Variants in C10orf71 observed in about 807,000 individuals in gnomAD.
The protein encoded by C10orf71 is chromosome 10 open reading frame 71, also known as cardiac-enriched FHL2-interacting protein.
For synonymous variants in C10orf71, 758 were observed against 726.3 expected (o/e 1.04, Z -0.70); for missense variants, 1,869 against 1,804.5 (o/e 1.04, Z -0.65).
chr10:49,309,731 C>T (rs1848878476), intron 1 of C10orf71, among the ~76,000 whole-genome samples: 1 of 152,144 alleles, frequency 6.6e-6, no homozygotes, highest in African/African-American at 2.4e-5. Flanking sequence ...CATCTGTGAG[C>T]AGGGCTCCAG....
chr10:49,326,263 C>A lies in C10orf71; in HGVS notation c.3718C>A (p.Pro1240Thr), dbSNP rs754570250. The A allele has an allele frequency of 1.1e-4, 177 of 1,550,134 alleles. 2 individuals carry two copies. In the South Asian group the frequency reaches 1.8e-3, roughly 16 times the overall value. ...TTTCCCCGTGGTCCGTTCCCTGCCC[C>A]CTCCCGTGCACCGCCACTCCGTGTC... ...HNFPVVRSLP[P>T]PVHRHSVSGF... The change falls in exon 3 of 3, where the codon CCT becomes ACT. Residue 1240 changes from proline (P) to threonine (T), a missense_variant. By Grantham distance (38) the Pro-to-Thr change is conservative (BLOSUM62 -1). Coordinates refer to ENST00000374144, the MANE Select transcript of C10orf71 (RefSeq NM_001135196.2).
chr10:49,327,306 T>G lies in C10orf71; in HGVS notation c.*453T>G. The G allele has an allele frequency of 3.9e-6, 1 of 256,086 alleles. No homozygotes were observed. The highest frequency in any genetic ancestry group is 5.0e-5 in the Admixed American group (1 of 20,124). The allele number at this position is 256,086 out of a possible 1,614,324, so 15.9% of individuals were successfully genotyped here. Reference sequence around the variant, plus strand: ...AACCCCTAAGGCCCCCAGCTCAGACTCAGCAGGCATTCAGGTCAACTCAGG... The same window carrying G: ...AACCCCTAAGGCCCCCAGCTCAGACGCAGCAGGCATTCAGGTCAACTCAGG... On this transcript the variant is annotated 3_prime_UTR_variant, in exon 3 of 3. Transcript: ENST00000374144.
upstream of C10orf71, among the ~76,000 whole-genome samples, chr10:49,298,289 C>T (rs370965788): frequency 3.9e-4 from 59 of 152,330 alleles, no homozygotes; most frequent in South Asian, 4.4e-3. Context: ...CAGTCATCTC[C>T]GCTTTCTCAG....
chr10:49,309,258 TG>T (rs1229758800), intron 1 of C10orf71, among the ~76,000 whole-genome samples: 1 of 152,148 alleles, frequency 6.6e-6, no homozygotes, highest in East Asian at 1.9e-4. Flanking sequence ...TATTAGGAGA[TG>T]GGGCCTATGG....
chr10:49,326,397 G>C lies in C10orf71; in HGVS notation c.3852G>C (p.Glu1284Asp). Reference protein sequence around the residue: ...QKVLQDPQSGEYFVFDLPLQV... With the variant: ...QKVLQDPQSGDYFVFDLPLQV... Reference sequence around the variant, plus strand: ...TCCTCCAGGATCCGCAGTCCGGGGAGTACTTTGTCTTCGACTTGCCACTCC... The same window carrying C: ...TCCTCCAGGATCCGCAGTCCGGGGACTACTTTGTCTTCGACTTGCCACTCC... The change falls in exon 3 of 3, where the codon GAG becomes GAC. Residue 1284 changes from glutamate (E) to aspartate (D), a missense_variant. Transcript: ENST00000374144. 1.3e-6 allele frequency: 2 copies of C among 1,550,584 alleles called. No individual in the cohort carries two copies. The highest frequency in any genetic ancestry group is 1.7e-6 in the Non-Finnish European group (2 of 1,146,914).
Position 49,323,992 on chromosome 10 carries a change from C to A in C10orf71, c.1447C>A (p.Pro483Thr), listed in dbSNP as rs201064215. 6.2e-7 allele frequency: 1 copy of A among 1,613,564 alleles called. No individual in the cohort carries two copies. Among genetic ancestry groups the A allele is most frequent in the African/African-American group, 1.3e-5 (1 of 75,026 alleles). ...GQLNGYQEKE[P>T]SECQSRDSYK... ...GCTAAACGGATACCAAGAGAAGGAG[C>A]CCAGTGAATGTCAGTCTCGAGACAG... is the stretch of plus-strand genomic sequence containing the variant. The change falls in exon 3 of 3, where the codon CCC becomes ACC. Residue 483 changes from proline (P) to threonine (T), a missense_variant. Transcript: ENST00000374144.
In C10orf71 at chr10:49,322,542, A is replaced by C; in HGVS notation, c.-4A>C. The C allele has an allele frequency of 6.3e-7, 1 of 1,596,452 alleles. No homozygotes were observed. Among genetic ancestry groups the C allele is most frequent in the East Asian group, 2.2e-5 (1 of 44,456 alleles). On this transcript the variant is annotated 5_prime_UTR_variant, in exon 3 of 3. Transcript: ENST00000374144. ...GACAAGGACAGCTTTCTTGGAGCCA[A>C]CAGATGATGCAAGGAAATAAGAAGT... is the stretch of plus-strand genomic sequence containing the variant.
At chr10:49,317,855 T>C (rs1381817200) in intron 2 of C10orf71, among the ~76,000 whole-genome samples, 1 of 152,022 alleles carries the variant, frequency 6.6e-6, no homozygotes, top group East Asian at 1.9e-4. Flanking sequence ...TTTTTTTTAA[T>C]AATTGGAAAA....
chr10:49,317,252 A>T (rs940714453), intron 2 of C10orf71, among the ~76,000 whole-genome samples: 2 of 152,152 alleles, frequency 1.3e-5, no homozygotes, highest in African/African-American at 4.8e-5. Context: ...CCTCAATAAC[A>T]TAAATTCAAG....
In C10orf71 at chr10:49,324,344, C is replaced by T. The variant is rs994013054; in HGVS notation, c.1799C>T (p.Ala600Val). ...TLSTAPTIAK[A>V]PFYVNGEAAE... ...AGCACAGCTCCGACTATCGCCAAAGCCCCCTTCTATGTCAATGGGGAGGCT... is the reference window on the plus strand; with the variant it reads ...AGCACAGCTCCGACTATCGCCAAAGTCCCCTTCTATGTCAATGGGGAGGCT... Residue 600 changes from alanine (A) to valine (V), a missense_variant, in exon 3 of 3, where the codon GCC (alanine) becomes GTC (valine). Ala to Val is a moderately conservative substitution (Grantham distance 64). Coordinates refer to ENST00000374144, the MANE Select transcript of C10orf71 (RefSeq NM_001135196.2). 3 of 1,613,756 alleles carry T rather than the reference C, an allele frequency of 1.9e-6. No homozygotes were observed. The highest frequency in any genetic ancestry group is 1.3e-5 in the African/African-American group (1 of 74,910).
chr10:49,299,920 G>A (rs554033431), intron 1 of C10orf71, among the ~76,000 whole-genome samples: 13 of 152,334 alleles, frequency 8.5e-5, no homozygotes, highest in Admixed American at 5.9e-4. Context: ...GGCTCTGCGA[G>A]CATGTGTGTC....
rs1848725684 is a variant in C10orf71, at chr10:49,301,289, G to A, written c.-248+2056G>A. The stretch of plus-strand genomic sequence containing the variant: ...TCCATCGAGGCTGGAGTGGATTTTG[G>A]TTTTATTTCCATTTGAGAGTTTAAA... On this transcript the variant is annotated intron_variant, in intron 1 of 2. Coordinates refer to ENST00000374144, the MANE Select transcript of C10orf71 (RefSeq NM_001135196.2). Among the ~76,000 whole-genome samples, 2 of 152,152 alleles carry A rather than the reference G, an allele frequency of 1.3e-5. 1 individual carries two copies. Among genetic ancestry groups the A allele is most frequent in the South Asian group, 4.1e-4 (2 of 4,828 alleles).
In C10orf71 at chr10:49,327,291, G is replaced by A. The variant is rs566615818; in HGVS notation, c.*438G>A. The A allele has an allele frequency of 1.5e-4, 42 of 288,952 alleles. 1 individual carries two copies. In the South Asian group the frequency reaches 1.5e-3, roughly 11 times the overall value. The allele number at this position is 288,952 out of a possible 1,614,324, so 17.9% of individuals were successfully genotyped here. A position where few individuals can be genotyped will look rare whatever the true frequency, so the allele number is the denominator to read the frequency against. The stretch of plus-strand genomic sequence containing the variant: ...GCTCCTTGATGAGCAAACCCCTAAG[G>A]CCCCCAGCTCAGACTCAGCAGGCAT... On this transcript the variant is annotated 3_prime_UTR_variant, in exon 3 of 3. Coordinates refer to ENST00000374144, the MANE Select transcript of C10orf71 (RefSeq NM_001135196.2).
At chr10:49,298,273 G>C (rs935464623), upstream of C10orf71, among the ~76,000 whole-genome samples, 1 of 152,208 alleles carries the variant, frequency 6.6e-6, no homozygotes, top group African/African-American at 2.4e-5. Flanking sequence ...GACACCCAGC[G>C]GGGGCCAGTC....
chr10:49,315,986 G>A (rs149512717), intron 1 of C10orf71, among the ~76,000 whole-genome samples, 159 bp from the exon 2 acceptor site: 1 of 152,186 alleles, frequency 6.6e-6, no homozygotes, highest in African/African-American at 2.4e-5. Context: ...AACCCAGGAG[G>A]CAGATGTTGC....
rs188589145 is a variant in C10orf71 at position 49,301,104 on chromosome 10, C to T, written c.-248+1871C>T. On this transcript the variant is annotated intron_variant, in intron 1 of 2. Coordinates refer to ENST00000374144, the MANE Select transcript of C10orf71 (RefSeq NM_001135196.2). ...TATTCCTCCAGTCTCTGCCAGAAAT[C>T]TCAAGAACCCAAGCCTGCTGGTGGC... Among the ~76,000 whole-genome samples, 301 of 152,276 alleles carry T rather than the reference C, an allele frequency of 2.0e-3. 1 individual carries two copies. The highest frequency in any genetic ancestry group is 3.7e-3 in the Non-Finnish European group (252 of 68,024).
intron 1 of C10orf71, among the ~76,000 whole-genome samples, chr10:49,304,174 G>C (rs1848774567): frequency 2.0e-5 from 3 of 152,196 alleles, no homozygotes; most frequent in Admixed American, 1.3e-4. Context: ...AGATAACTGA[G>C]AATTTGCTAG....
chr10:49,320,414 C>T (rs567279324), intron 2 of C10orf71, among the ~76,000 whole-genome samples: 1 of 152,352 alleles, frequency 6.6e-6, no homozygotes, highest in East Asian at 1.9e-4. Context: ...CCAGGTGATG[C>T]AGACTCTGGG....
Position 49,322,967 on chromosome 10 carries a change from C to G in C10orf71, c.422C>G (p.Ser141Cys). The change falls in exon 3 of 3, where the codon TCC (serine) becomes TGC (cysteine). Residue 141 changes from serine (S) to cysteine (C), a missense_variant. Ser to Cys is a moderately radical substitution (Grantham distance 112). Transcript: ENST00000374144. ...CTAAGGAGCAGCAATAAGCCTGTCT[C>G]CAAAGTATCAACACTAATTAAATCT... is the stretch of plus-strand genomic sequence containing the variant. ...SGLRSSNKPV[S>C]KVSTLIKSFD... is the part of the protein sequence containing the mutation. The G allele has an allele frequency of 6.2e-7, 1 of 1,613,998 alleles. No individual in the cohort carries two copies. The highest frequency in any genetic ancestry group is 8.5e-7 in the Non-Finnish European group (1 of 1,179,884).
Sources: allele counts gnomAD v4.1 joint callset (sites outside exome capture counted in the v4.1 genomes callset), GRCh38; gene constraint gnomAD v4.1.1; transcripts MANE v1.5; gene names NCBI Gene and HGNC (gene_info 2026-07-23, HGNC 2026-07-21).